The following MUS81 variants were observed in gnomAD, a reference collection of about 807,000 sequenced individuals.
MUS81 encodes the protein MUS81 structure-specific endonuclease subunit.
In MUS81, 69 loss-of-function variants were observed where a neutral mutation model predicts 74.2. The observed-to-expected ratio is 0.93, with a 90% CI of 0.77 to 1.14. MUS81 has a LOEUF of 1.14. Ranked by LOEUF, MUS81 falls within the 50% of genes most tolerant of loss-of-function variation. The pLI, the probability that MUS81 is intolerant of heterozygous loss-of-function variation, is 0.00. For missense variants in MUS81, 711 were observed against 726.5 expected, an observed-to-expected ratio of 0.98 and a Z score of 0.25; for synonymous variants, 303 against 300.6, an observed-to-expected ratio of 1.01 and a Z score of -0.08.
intron 14 of MUS81, 65 bp downstream of exon 14, chr11:65,865,388 T>C: frequency 6.7e-7 from 1 of 1,492,062 alleles, no homozygotes; most frequent in East Asian, 2.3e-5. Context: ...TTCACCTTAA[T>C]CCATGCTTCG....
chr11:65,864,837 A>G (rs1859757081), intron 12 of MUS81, 22 bp downstream of exon 12: 1 of 1,606,694 alleles, frequency 6.2e-7, no homozygotes, highest in Non-Finnish European at 8.5e-7. Context: ...CCCCTTTCCC[A>G]GTGTCGGGAC....
Position 65,865,036 on chromosome 11 carries a change from GCCCCTGGGGAA to G in MUS81, c.1301_1311del (p.Gly434GlufsTer3), listed in dbSNP as rs952449422. On this transcript the variant is annotated frameshift_variant, in exon 13 of 16. Transcript: ENST00000308110. LOFTEE classifies it high-confidence loss of function. ...CCTCAGGGCCACACCCTACGCAGCC[GCCCCTGGGGAA>G]CCCCTGGGAACCCTGAATCAGGGGC... 1 of 1,613,718 alleles carries G rather than the reference GCCCCTGGGGAA, an allele frequency of 6.2e-7. No individual in the cohort carries two copies. Among genetic ancestry groups the G allele is most frequent in the Non-Finnish European group, 8.5e-7 (1 of 1,179,976 alleles).
Position 65,861,924 on chromosome 11 carries a change from C to T in MUS81, c.352-23C>T, listed in dbSNP as rs1204869475. 1.9e-6 allele frequency: 3 copies of T among 1,581,028 alleles called. No homozygotes were observed. The Admixed American group carries it at 5.4e-5, about 29-fold the overall frequency. ...AAGATGACTGGCTGGCTTTCATGTT[C>T]AGAACTCCTCTGTACCTTTCAGGTT... On this transcript the variant is annotated intron_variant, in intron 3 of 15. Coordinates refer to ENST00000308110, the MANE Select transcript of MUS81 (RefSeq NM_025128.5).
upstream of MUS81, chr11:65,860,356 G>A (rs755012896): frequency 2.1e-6 from 1 of 472,546 alleles, no homozygotes; most frequent in South Asian, 1.5e-5. Context: ...GCGCCGCCCA[G>A]CCAGTCCTCC....
rs1159210589 is a variant in MUS81 at position 65,866,264 on chromosome 11, C to T, written c.*212C>T. 1.7e-6 allele frequency: 1 copy of T among 603,440 alleles called. No individual in the cohort carries two copies. The allele number at this position is 603,440 out of a possible 1,614,324, so 37.4% of individuals were successfully genotyped here. A position where few individuals can be genotyped will look rare whatever the true frequency, so the allele number is the denominator to read the frequency against. ...GGTTTTTAAACAAAGCTGCTTAGCA[C>T]CTGGAATTCCCTGGTCAGGGAGATG... On this transcript the variant is annotated 3_prime_UTR_variant, in exon 16 of 16. Coordinates refer to ENST00000308110, the MANE Select transcript of MUS81 (RefSeq NM_025128.5).
At position 65,864,638 on chromosome 11, in the gene MUS81, C is replaced by T. The variant is rs1281526578; in HGVS notation, c.1176+25C>T. ...GGTGAGCTGGGAGGGCAGGGCCAGG[C>T]AGGCAGGCAGGGGCCCCTGTGGTCC... On this transcript the variant is annotated intron_variant, in intron 11 of 15. Coordinates refer to ENST00000308110, the MANE Select transcript of MUS81 (RefSeq NM_025128.5). 6 of 1,612,474 alleles carry T rather than the reference C, an allele frequency of 3.7e-6. No individual in the cohort carries two copies. The East Asian group carries it at 1.3e-4, about 36-fold the overall frequency.
In MUS81 at chr11:65,866,381, TG is replaced by T; in HGVS notation, c.*332del. 1.6e-6 allele frequency: 1 copy of T among 631,874 alleles called. No individual in the cohort carries two copies. The highest frequency in any genetic ancestry group is 2.8e-6 in the Non-Finnish European group (1 of 357,882). The allele number at this position is 631,874 out of a possible 1,614,324, so 39.1% of individuals were successfully genotyped here. ...TTCCTTAGGAGTGCAGAGGGCTCAT[TG>T]GGAAAATAAAAATAATAAAAATAAA... is the stretch of plus-strand genomic sequence containing the variant. On this transcript the variant is annotated 3_prime_UTR_variant, in exon 16 of 16. Transcript: ENST00000308110.
chr11:65,861,265 C>T lies in MUS81; in HGVS notation c.266-85C>T, dbSNP rs80179338. ...CCCTGAGCCTCCCTCACCGGTCTCA[C>T]GTAACCATCTGAGTAGGTTGCATCC... On this transcript the variant is annotated intron_variant, in intron 2 of 15. Transcript: ENST00000308110. 1.6e-3 allele frequency: 2,476 copies of T among 1,532,380 alleles called. 22 individuals are homozygous for T. In the African/African-American group the frequency reaches 0.029, roughly 18 times the overall value. 94.9% of individuals were successfully genotyped at this position (1,532,380 alleles called of 1,614,324 possible).
At chr11:65,862,964 C>T (rs1053301671) in intron 6 of MUS81, 101 bp from the exon 7 acceptor site, 62 of 1,499,472 alleles carry the variant, frequency 4.1e-5, no homozygotes, top group African/African-American at 5.5e-5. Context: ...TTGTGCAGGG[C>T]GCCAAGGGGG....
In MUS81 at chr11:65,863,473, G is replaced by A. The variant is rs745594299; in HGVS notation, c.810G>A (p.Leu270=). 89 of 1,614,054 alleles carry A rather than the reference G, an allele frequency of 5.5e-5. No homozygotes were observed. The highest frequency in any genetic ancestry group is 7.1e-5 in the Non-Finnish European group (84 of 1,180,016). Residue 270 remains leucine, a synonymous_variant, in exon 8 of 16, where the codon CTG becomes CTA. Transcript: ENST00000308110. ...TGAGGCCTGGAGAGTACAGGGTGCT[G>A]TTGTGTGTGGACATTGGCGAGACCC... ...LELRPGEYRV[L]LCVDIGETRG...
At position 65,864,578 on chromosome 11, in the gene MUS81, G is replaced by A. The variant is rs772946881; in HGVS notation, c.1141G>A (p.Glu381Lys). The change falls in exon 11 of 16, where the codon GAG (glutamate) becomes AAG (lysine). Residue 381 changes from glutamate to lysine, a missense_variant. Physicochemically the swap from Glu to Lys is moderately conservative, Grantham distance 56 (BLOSUM62 1). Coordinates refer to ENST00000308110, the MANE Select transcript of MUS81 (RefSeq NM_025128.5). Reference protein sequence around the residue: ...HGSVHNLSLPESTLLQAVTNT... With the variant: ...HGSVHNLSLPKSTLLQAVTNT... ...TTCCGTCCACAACCTCAGCCTTCCT[G>A]AGAGCACACTGCTGCAGGCTGTCAC... 1 of 1,614,148 alleles carries A rather than the reference G, an allele frequency of 6.2e-7. No homozygotes were observed. The highest frequency in any genetic ancestry group is 8.5e-7 in the Non-Finnish European group (1 of 1,180,032).
intron 7 of MUS81, 64 bp downstream of exon 7, chr11:65,863,269 C>T (rs1469331064): frequency 6.3e-7 from 1 of 1,578,508 alleles, no homozygotes; most frequent in East Asian, 2.3e-5. Context: ...AGGCCAAAGC[C>T]CCGCCCCAAC....
intron 5 of MUS81, 79 bp from the exon 6 acceptor site, chr11:65,862,365 G>A: frequency 5.1e-6 from 8 of 1,581,494 alleles, no homozygotes; most frequent in African/African-American, 4.0e-5. Flanking sequence ...CCCATGTGTG[G>A]CCCATGGCTG....
chr11:65,865,690 C>T (rs993409619), intron 14 of MUS81, 121 bp from the exon 15 acceptor site: 22 of 1,045,158 alleles, frequency 2.1e-5, no homozygotes, highest in Non-Finnish European at 3.1e-5. Flanking sequence ...GTGCCAAGCT[C>T]AGGAAGTGGG....
chr11:65,866,821 G>GGT, downstream of MUS81: 2 of 1,494,366 alleles, frequency 1.3e-6, no homozygotes, highest in Non-Finnish European at 1.8e-6. Context: ...TCAGCCACCA[G>GGT]GACTTTCTTT....
At position 65,864,623 on chromosome 11, in the gene MUS81, G is replaced by A; in HGVS notation, c.1176+10G>A. ...TGTCACCAACACTCAGGTGAGCTGGGAGGGCAGGGCCAGGCAGGCAGGCAG... is the reference window on the plus strand; with the variant it reads ...TGTCACCAACACTCAGGTGAGCTGGAAGGGCAGGGCCAGGCAGGCAGGCAG... On this transcript the variant is annotated intron_variant, in intron 11 of 15. Transcript: ENST00000308110. The A allele has an allele frequency of 6.2e-7, 1 of 1,613,834 alleles. No homozygotes were observed. Among genetic ancestry groups the A allele is most frequent in the Non-Finnish European group, 8.5e-7 (1 of 1,179,818 alleles).
At position 65,866,304 on chromosome 11, in the gene MUS81, T is replaced by C. The variant is rs1345643312; in HGVS notation, c.*252T>C. The C allele has an allele frequency of 3.0e-5, 18 of 600,050 alleles. No homozygotes were observed. Among genetic ancestry groups the C allele is most frequent in the Non-Finnish European group, 4.4e-5 (15 of 340,262 alleles). 37.2% of individuals were successfully genotyped at this position (600,050 alleles called of 1,614,324 possible). On this transcript the variant is annotated 3_prime_UTR_variant, in exon 16 of 16. Coordinates refer to ENST00000308110, the MANE Select transcript of MUS81 (RefSeq NM_025128.5). ...TCAGGGAGATGGAGTCAGTGGGGCA[T>C]TGCAGCTTGGAATCTATTTTATGTC...
At chr11:65,862,965 G>T in intron 6 of MUS81, 100 bp from the exon 7 acceptor site, 1 of 1,509,702 alleles carries the variant, frequency 6.6e-7, no homozygotes, top group South Asian at 1.1e-5. Flanking sequence ...TGTGCAGGGC[G>T]CCAAGGGGGT....
intron 12 of MUS81, 27 bp downstream of exon 12, chr11:65,864,842 C>T (rs180710832): frequency 1.6e-5 from 25 of 1,601,932 alleles, no homozygotes; most frequent in Admixed American, 1.5e-4. Context: ...TTCCCAGTGT[C>T]GGGACAGAGC....
Sources: gnomAD v4.1 joint callset for allele counts on GRCh38, gnomAD v4.1.1 for gene constraint, MANE v1.5 for transcripts, NCBI Gene and HGNC (gene_info 2026-07-23, HGNC 2026-07-21) for gene names.